Variants in SYT1 observed in about 807,000 individuals in gnomAD.
SYT1 encodes synaptotagmin-1.
In SYT1, 8 loss-of-function variants were observed where a neutral mutation model predicts 44.8. That is an observed-to-expected ratio of 0.18 (90% confidence interval 0.10 to 0.32). The LOEUF (loss-of-function observed/expected upper bound fraction) is 0.32, where lower values mean the gene tolerates loss of function less well. SYT1 is among the 10% of genes least tolerant of loss of function. The pLI is 1.00. For synonymous variants in SYT1, 154 were observed against 188.8 expected, an observed-to-expected ratio of 0.82 and a Z score of 1.51; for missense variants, 286 against 509.3, an observed-to-expected ratio of 0.56 and a Z score of 4.22.
At chr12:78,874,391 C>T (rs1873962016) in intron 1 of SYT1, among the ~76,000 whole-genome samples, 1 of 151,370 alleles carries the variant, frequency 6.6e-6, no homozygotes, top group African/African-American at 2.4e-5. Flanking sequence ...CAAATTGATC[C>T]ACTTTATAGG....
At chr12:78,970,680 G>C (rs1361948953) in intron 1 of SYT1, among the ~76,000 whole-genome samples, 1 of 152,078 alleles carries the variant, frequency 6.6e-6, no homozygotes, top group South Asian at 2.1e-4. Context: ...TAAATAATCT[G>C]CTACCACTAG....
intron 3 of SYT1, among the ~76,000 whole-genome samples, chr12:79,096,765 G>A (rs1290124960): frequency 6.6e-6 from 1 of 151,968 alleles, no homozygotes; most frequent in African/African-American, 2.4e-5. Context: ...AGTTTGAGCA[G>A]GGGCATGACA....
intron 3 of SYT1, among the ~76,000 whole-genome samples, chr12:79,197,351 G>C (rs1478034997): frequency 6.6e-6 from 1 of 152,124 alleles, no homozygotes; most frequent in Non-Finnish European, 1.5e-5. Flanking sequence ...TAGAGCTTTT[G>C]TTGCGATATT....
At chr12:79,371,588 G>T (rs1171512474) in intron 9 of SYT1, among the ~76,000 whole-genome samples, 1 of 152,108 alleles carries the variant, frequency 6.6e-6, no homozygotes, top group East Asian at 1.9e-4. Context: ...AGGAATTTGT[G>T]TTCTATTCAA....
rs1235821158 is a variant in SYT1 at position 78,876,643 on chromosome 12, A to G, written c.-217+11534A>G. Among the ~76,000 whole-genome samples the G allele has an allele frequency of 2.3e-5, 3 of 130,682 alleles. No individual in the cohort carries two copies. In the South Asian group the frequency reaches 6.6e-4, roughly 29 times the overall value. The allele number at this position is 130,682 out of a possible 152,430, so 85.7% of individuals were successfully genotyped here. The stretch of plus-strand genomic sequence containing the variant: ...TATGTATATACACACGTGTACACAT[A>G]TGTATATACACACGTGTGCACATGT... On this transcript the variant is annotated intron_variant, in intron 1 of 10. Transcript: ENST00000261205.
chr12:79,345,457 G>T (rs1882566711), intron 8 of SYT1, among the ~76,000 whole-genome samples: 1 of 152,274 alleles, frequency 6.6e-6, no homozygotes, highest in Non-Finnish European at 1.5e-5. Flanking sequence ...AGAGTCTGTG[G>T]TGGAACTCAG....
chr12:79,117,712 T>TATATATATAA (rs1555199608), intron 3 of SYT1, among the ~76,000 whole-genome samples: 2 of 85,332 alleles, frequency 2.3e-5, no homozygotes, highest in Non-Finnish European at 4.6e-5. Context: ...TATATATATA[T>TATATATATAA]ATAAAATAAA....
chr12:78,908,100 T>G (rs1565711823), intron 1 of SYT1, among the ~76,000 whole-genome samples: 2 of 151,998 alleles, frequency 1.3e-5, no homozygotes, highest in African/African-American at 4.8e-5. Context: ...CTTTATTTTT[T>G]TGTGTGTTTT....
Position 79,228,581 on chromosome 12 carries a change from G to A in SYT1, c.166+10896G>A, listed in dbSNP as rs148349174. On this transcript the variant is annotated intron_variant, in intron 4 of 10. Transcript: ENST00000261205. ...TTTGTTATGATCTTTTCTCCCATTA[G>A]GTGTTAGAGGTCCTTGTTTTCTGGG... Among the ~76,000 whole-genome samples the A allele has an allele frequency of 3.7e-3, 562 of 151,952 alleles. 1 individual carries two copies. Among genetic ancestry groups the A allele is most frequent in the African/African-American group, 0.013 (532 of 41,442 alleles).
chr12:79,134,678 T>C (rs1869066597), intron 3 of SYT1, among the ~76,000 whole-genome samples: 1 of 152,164 alleles, frequency 6.6e-6, no homozygotes, highest in Non-Finnish European at 1.5e-5. Context: ...TTGGTAAGTA[T>C]AAAATTATTC....
chr12:79,143,150 G>A (rs757866226), intron 3 of SYT1, among the ~76,000 whole-genome samples: 3 of 152,160 alleles, frequency 2.0e-5, no homozygotes, highest in Non-Finnish European at 4.4e-5. Flanking sequence ...CTTAAGAACA[G>A]ACCCTGTTAA....
intron 9 of SYT1, chr12:79,392,213 C>G (rs1433961372): frequency 6.6e-6 from 1 of 152,054 alleles, no homozygotes; most frequent in Non-Finnish European, 1.5e-5. Flanking sequence ...TGGCAATATA[C>G]TTTGGGCAAT....
intron 1 of SYT1, among the ~76,000 whole-genome samples, chr12:78,970,612 G>C (rs1240349042): frequency 6.6e-6 from 1 of 152,126 alleles, no homozygotes; most frequent in Non-Finnish European, 1.5e-5. Flanking sequence ...GTGACCTTGA[G>C]AAAAGTATGT....
At chr12:78,964,439 C>CTGCA (rs1233519734) in intron 1 of SYT1, among the ~76,000 whole-genome samples, 2 of 152,054 alleles carry the variant, frequency 1.3e-5, no homozygotes, top group Non-Finnish European at 2.9e-5. Flanking sequence ...TTTAGGGTTA[C>CTGCA]TGCATTAAGC....
At chr12:78,864,058 C>T (rs1039244592), upstream of SYT1, 1 of 152,372 alleles carries the variant, frequency 6.6e-6, no homozygotes, top group Non-Finnish European at 1.5e-5. Context: ...GCTTATCCCG[C>T]CCCCGCTTCC....
At chr12:79,150,114 T>C (rs1213600283) in intron 3 of SYT1, among the ~76,000 whole-genome samples, 4 of 152,192 alleles carry the variant, frequency 2.6e-5, no homozygotes, top group African/African-American at 9.6e-5. Context: ...AATCAAGTAA[T>C]TAACATATCC....
At chr12:79,171,320 A>G (rs747424486) in intron 3 of SYT1, among the ~76,000 whole-genome samples, 1 of 152,044 alleles carries the variant, frequency 6.6e-6, no homozygotes, top group Non-Finnish European at 1.5e-5. Flanking sequence ...CTTCCTCTCC[A>G]TGAGCATGGA....
At chr12:79,436,479 G>A (rs1263725446) in intron 9 of SYT1, among the ~76,000 whole-genome samples, 4 of 152,106 alleles carry the variant, frequency 2.6e-5, no homozygotes, top group Admixed American at 1.3e-4. Context: ...AAGAAAAAAG[G>A]CAATATAATT....
At chr12:78,929,962 A>G (rs1219292177) in intron 1 of SYT1, among the ~76,000 whole-genome samples, 2 of 152,100 alleles carry the variant, frequency 1.3e-5, no homozygotes, top group Non-Finnish European at 2.9e-5. Flanking sequence ...GTTTCTGTGA[A>G]GTGGGCTTTT....
Sources: allele counts gnomAD v4.1 joint callset (sites outside exome capture counted in the v4.1 genomes callset), GRCh38; gene constraint gnomAD v4.1.1; transcripts MANE v1.5; gene names NCBI Gene and HGNC (gene_info 2026-07-23, HGNC 2026-07-21).